Variants in CPEB3 observed in about 807,000 individuals in gnomAD.
CPEB3 encodes the protein cytoplasmic polyadenylation element binding protein 3.
In CPEB3, 20 loss-of-function variants were observed where a neutral mutation model predicts 67.2. That is an observed-to-expected ratio of 0.30 (90% CI 0.21 to 0.43). The LOEUF is 0.43. Among genes scored for constraint, CPEB3 ranks in the 20% least tolerant of loss-of-function variants. CPEB3 has a pLI of 1.00. For missense variants in CPEB3, 746 were observed against 968.6 expected, an observed-to-expected ratio of 0.77 and a Z score of 3.05; for synonymous variants, 376 against 393.1, an observed-to-expected ratio of 0.96 and a Z score of 0.51.
Position 92,051,849 on chromosome 10 carries a change from A to C in CPEB3, c.*363T>G, listed in dbSNP as rs368792555. On this transcript the variant is annotated 3_prime_UTR_variant, in exon 10 of 10. Coordinates refer to ENST00000265997, the MANE Select transcript of CPEB3 (RefSeq NM_014912.5). ...GCTCCAGTTCAAAACAATCAGAACA[A>C]CACCACAACAACAAACAAAAGAATC... The C allele has an allele frequency of 2.0e-4, 36 of 184,288 alleles. No individual in the cohort carries two copies. In the East Asian group the frequency reaches 3.5e-3, roughly 18 times the overall value. 11.4% of individuals were successfully genotyped at this position (184,288 alleles called of 1,614,324 possible).
chr10:92,063,763 CA>C (rs75346884), intron 9 of CPEB3, among the ~76,000 whole-genome samples: 190 of 134,728 alleles, frequency 1.4e-3, no homozygotes, highest in Middle Eastern at 3.6e-3. Context: ...ACTCAGTATC[CA>C]AAAAAAAAAA....
Position 92,081,390 on chromosome 10 carries a change from T to C in CPEB3, c.1799A>G (p.Asn600Ser), listed in dbSNP as rs1348791432. ...PKGAGRVAFS[N>S]QQSYIAAISA... ...GATGGCTGCAATGTAACTCTGCTGA[T>C]TGGAGAATGCCACGCGGCCAGCACC... Residue 600 changes from asparagine to serine, a missense_variant, in exon 9 of 10, where the codon AAT becomes AGT. Coordinates refer to ENST00000265997, the MANE Select transcript of CPEB3 (RefSeq NM_014912.5). 7 of 1,614,076 alleles carry C rather than the reference T, an allele frequency of 4.3e-6. No individual in the cohort carries two copies. Among genetic ancestry groups the C allele is most frequent in the Admixed American group, 1.7e-5 (1 of 59,990 alleles).
chr10:92,227,369 A>C (rs1399318228), intron 2 of CPEB3, among the ~76,000 whole-genome samples: 2 of 152,238 alleles, frequency 1.3e-5, no homozygotes. Flanking sequence ...TTAGAGGAGG[A>C]CATCAAAATA....
chr10:92,137,156 A>T (rs1452389341), intron 6 of CPEB3: 1 of 363,852 alleles, frequency 2.7e-6, no homozygotes, highest in Non-Finnish European at 5.2e-6. Context: ...AAGGCTACCC[A>T]CACCTTGGTC....
chr10:92,119,029 G>A lies in CPEB3; in HGVS notation c.1454-7835C>T. On this transcript the variant is annotated intron_variant, in intron 6 of 9. Coordinates refer to ENST00000265997, the MANE Select transcript of CPEB3 (RefSeq NM_014912.5). ...AGTTTGCACTCGTCTTCCCTCTCAT[G>A]TATCATACCTGGAATGGGGTCTGAC... is the stretch of plus-strand genomic sequence containing the variant. 16 of 1,557,670 alleles carry A rather than the reference G, an allele frequency of 1.0e-5. No homozygotes were observed. The South Asian group carries it at 1.7e-4, about 16-fold the overall frequency.
At chr10:92,072,567 A>C (rs1842789364) in intron 9 of CPEB3, among the ~76,000 whole-genome samples, 1 of 152,234 alleles carries the variant, frequency 6.6e-6, no homozygotes, top group South Asian at 2.1e-4. Context: ...AGGATAATGA[A>C]ATCAAGCCTC....
intron 9 of CPEB3, among the ~76,000 whole-genome samples, chr10:92,062,927 T>G (rs752858577): frequency 1.3e-5 from 2 of 152,198 alleles, no homozygotes; most frequent in African/African-American, 2.4e-5. Context: ...GAACTACCTA[T>G]GGAGAGACAT....
In CPEB3 at chr10:92,274,460, G is replaced by A. The variant is rs149072120; in HGVS notation, c.-12+16466C>T. Among the ~76,000 whole-genome samples, 32 of 152,232 alleles carry A rather than the reference G, an allele frequency of 2.1e-4. No individual in the cohort carries two copies. In the East Asian group the frequency reaches 6.2e-3, roughly 29 times the overall value. ...TCATATGAATACAAGCTCTACAAGG[G>A]TATTTTTGTATTTTGCTCTATGCTA... On this transcript the variant is annotated intron_variant, in intron 1 of 9. Coordinates refer to ENST00000265997, the MANE Select transcript of CPEB3 (RefSeq NM_014912.5).
At chr10:92,071,868 AT>A (rs1430225073) in intron 9 of CPEB3, among the ~76,000 whole-genome samples, 1 of 152,190 alleles carries the variant, frequency 6.6e-6, no homozygotes, top group African/African-American at 2.4e-5. Context: ...AATGACCTAG[AT>A]TTCCATTACA....
At chr10:92,196,734 C>T (rs1169262049) in intron 2 of CPEB3, among the ~76,000 whole-genome samples, 1 of 150,856 alleles carries the variant, frequency 6.6e-6, no homozygotes, top group Admixed American at 6.6e-5. Flanking sequence ...TGGCACTGCA[C>T]TCAGCCTGGG....
chr10:92,134,783 C>T (rs1846009789), intron 6 of CPEB3, among the ~76,000 whole-genome samples: 1 of 151,856 alleles, frequency 6.6e-6, no homozygotes, highest in Non-Finnish European at 1.5e-5. Flanking sequence ...GCTACAGTAA[C>T]CAAAACAGCA....
chr10:92,167,218 C>T (rs987177936), intron 4 of CPEB3, among the ~76,000 whole-genome samples: 2 of 152,168 alleles, frequency 1.3e-5, no homozygotes, highest in East Asian at 1.9e-4. Context: ...AAGACTATTT[C>T]GCTTTCTTAC....
At chr10:92,069,407 C>T (rs1424428176) in intron 9 of CPEB3, among the ~76,000 whole-genome samples, 4 of 152,128 alleles carry the variant, frequency 2.6e-5, no homozygotes, top group Non-Finnish European at 5.9e-5. Flanking sequence ...GCTTAGCTAT[C>T]ACAATGCCTT....
chr10:92,266,095 A>G (rs1359817705), intron 1 of CPEB3, among the ~76,000 whole-genome samples: 2 of 152,350 alleles, frequency 1.3e-5, no homozygotes, highest in East Asian at 3.9e-4. Flanking sequence ...AGTCTCCACC[A>G]GCAAGAAGGG....
intron 4 of CPEB3, among the ~76,000 whole-genome samples, chr10:92,176,978 G>C (rs1411087642): frequency 6.6e-6 from 1 of 152,194 alleles, no homozygotes; most frequent in African/African-American, 2.4e-5. Context: ...AAAACAATAT[G>C]AGTTAGTGTA....
intron 1 of CPEB3, among the ~76,000 whole-genome samples, chr10:92,245,265 G>A (rs564009042): frequency 5.3e-5 from 8 of 150,904 alleles, no homozygotes; most frequent in African/African-American, 9.7e-5. Context: ...AGCCTCTTGA[G>A]TAGCTGGGAT....
intron 1 of CPEB3, among the ~76,000 whole-genome samples, chr10:92,275,740 T>C (rs1841947223): frequency 6.6e-6 from 1 of 152,062 alleles, no homozygotes; most frequent in African/African-American, 2.4e-5. Flanking sequence ...TAGATATGCC[T>C]AGGAATTATA....
Position 92,081,313 on chromosome 10 carries a change from T to G in CPEB3, c.1869+7A>C. The G allele has an allele frequency of 6.2e-7, 1 of 1,614,144 alleles. No homozygotes were observed. The highest frequency in any genetic ancestry group is 8.5e-7 in the Non-Finnish European group (1 of 1,180,002). ...CCATAGCAGTTTCACCCTAAGTAGG[T>G]GCTTACCCGTTTGTCAATGTCATTG... On this transcript the variant is annotated splice_region_variant and intron_variant, in intron 9 of 9. Coordinates refer to ENST00000265997, the MANE Select transcript of CPEB3 (RefSeq NM_014912.5).
At chr10:92,112,240 G>T (rs1844785124) in intron 6 of CPEB3, among the ~76,000 whole-genome samples, 2 of 151,412 alleles carry the variant, frequency 1.3e-5, no homozygotes, top group Non-Finnish European at 2.9e-5. Flanking sequence ...TGCCTCCCGG[G>T]TTCAAGCAGT....
Sources: allele counts gnomAD v4.1 joint callset (sites outside exome capture counted in the v4.1 genomes callset), GRCh38; gene constraint gnomAD v4.1.1; transcripts MANE v1.5; gene names NCBI Gene and HGNC (gene_info 2026-07-23, HGNC 2026-07-21).